The following WDR25 variants were observed in gnomAD, a reference collection of about 807,000 sequenced individuals.
WDR25 encodes WD repeat-containing protein 25.
Under a neutral mutation model 47.7 loss-of-function variants are expected in WDR25, and 35 were observed. The observed-to-expected ratio is 0.73, with a 90% CI of 0.56 to 0.97. WDR25 has a LOEUF of 0.97. Among genes scored for constraint, WDR25 ranks in the 50% least tolerant of loss-of-function variants. The pLI is 0.00. For synonymous variants in WDR25, 248 were observed against 278.9 expected (o/e 0.89, Z 1.10); for missense variants, 634 against 704.7 (o/e 0.90, Z 1.14).
intron 2 of WDR25, among the ~76,000 whole-genome samples, chr14:100,459,277 G>T (rs1366050156): frequency 6.6e-6 from 1 of 152,146 alleles, no homozygotes; most frequent in Non-Finnish European, 1.5e-5. Flanking sequence ...CAACTTAGAT[G>T]ATATGGAAGA....
intron 2 of WDR25, among the ~76,000 whole-genome samples, chr14:100,391,568 G>A (rs1897146606): frequency 6.6e-6 from 1 of 151,900 alleles, no homozygotes; most frequent in East Asian, 1.9e-4. Context: ...AGAACAGAAA[G>A]GTATAAAGAA....
chr14:100,481,304 T>C (rs8019212), intron 3 of WDR25: 529,062 of 909,630 alleles, frequency 0.58, 158,008 homozygotes, highest in Admixed American at 0.77. Context: ...TTATCAGTGG[T>C]CCCTGTCTCC....
intron 2 of WDR25, among the ~76,000 whole-genome samples, chr14:100,426,377 G>A (rs1279325414): frequency 6.6e-6 from 1 of 152,240 alleles, no homozygotes; most frequent in Non-Finnish European, 1.5e-5. Flanking sequence ...CCAAAGAACT[G>A]TGGGCATCTG....
chr14:100,492,106 G>A (rs1282550410), intron 4 of WDR25, among the ~76,000 whole-genome samples: 1 of 152,214 alleles, frequency 6.6e-6, no homozygotes, highest in Non-Finnish European at 1.5e-5. Flanking sequence ...AGGGCATGGG[G>A]CAACAAAATC....
At chr14:100,521,633 C>G (rs1205317357) in intron 4 of WDR25, among the ~76,000 whole-genome samples, 1 of 152,102 alleles carries the variant, frequency 6.6e-6, no homozygotes, top group Non-Finnish European at 1.5e-5. Context: ...TATTAATGTA[C>G]TAGAGTTTAT....
chr14:100,426,588 A>C (rs1898176063), intron 2 of WDR25, among the ~76,000 whole-genome samples: 1 of 152,202 alleles, frequency 6.6e-6, no homozygotes, highest in African/African-American at 2.4e-5. Context: ...GGCGGATTAG[A>C]GCCGAGTTCT....
chr14:100,495,881 G>T (rs1445160141), intron 4 of WDR25, among the ~76,000 whole-genome samples: 4 of 152,298 alleles, frequency 2.6e-5, no homozygotes, highest in African/African-American at 9.6e-5. Flanking sequence ...GGTGATGGAC[G>T]TTTGCATTGT....
chr14:100,416,171 A>T (rs1318027905), intron 2 of WDR25, among the ~76,000 whole-genome samples: 1 of 152,138 alleles, frequency 6.6e-6, no homozygotes, highest in African/African-American at 2.4e-5. Flanking sequence ...TATCAAATTC[A>T]TCTCATTCCT....
intron 2 of WDR25, among the ~76,000 whole-genome samples, chr14:100,456,429 A>G (rs1899206101): frequency 6.6e-6 from 1 of 152,238 alleles, no homozygotes; most frequent in African/African-American, 2.4e-5. Flanking sequence ...CAATAGATAC[A>G]GATCCAGAAA....
intron 4 of WDR25, among the ~76,000 whole-genome samples, chr14:100,515,114 C>G (rs1367617440): frequency 2.5e-4 from 38 of 152,098 alleles, no homozygotes; most frequent in Admixed American, 2.5e-3. Context: ...CATCTTTTCT[C>G]TGTCTGCTTT....
At chr14:100,489,833 AC>A (rs1468680315) in intron 4 of WDR25, among the ~76,000 whole-genome samples, 1 of 152,136 alleles carries the variant, frequency 6.6e-6, no homozygotes, top group Admixed American at 6.5e-5. Context: ...AGAAGGCTGC[AC>A]CTCTAAAACC....
In WDR25 at chr14:100,430,756, G is replaced by A. The variant is rs1006734856; in HGVS notation, c.823-37265G>A. On this transcript the variant is annotated intron_variant, in intron 2 of 6. Transcript: ENST00000402312. This position sits in a 1 kb window ranked among gnomAD's most constrained non-coding sequence, Gnocchi z 4.7. ...ATGCAGGAAGCCCATGCTGACGTGC[G>A]GAGTGGGCCTGCACAGATGAGGCTT... 4.6e-5 allele frequency among the ~76,000 whole-genome samples: 7 copies of A among 152,150 alleles called. No homozygotes were observed. The highest frequency in any genetic ancestry group is 9.7e-5 in the African/African-American group (4 of 41,426).
At chr14:100,524,985 G>A (rs888181232) in intron 4 of WDR25, among the ~76,000 whole-genome samples, 2 of 152,344 alleles carry the variant, frequency 1.3e-5, no homozygotes, top group East Asian at 1.9e-4. Flanking sequence ...TTGAGCTGGC[G>A]GGGCCCAGGG....
chr14:100,520,075 T>C (rs1277893261), intron 4 of WDR25, among the ~76,000 whole-genome samples: 3 of 114,094 alleles, frequency 2.6e-5, no homozygotes, highest in Admixed American at 1.9e-4. Flanking sequence ...TGTGTGTGTG[T>C]GTGCATATAT....
chr14:100,483,746 C>T (rs546797036), intron 3 of WDR25, among the ~76,000 whole-genome samples: 1 of 152,114 alleles, frequency 6.6e-6, no homozygotes, highest in African/African-American at 2.4e-5. Context: ...ATCAATCCAC[C>T]CATCTAAGCT....
At chr14:100,507,651 GTT>G (rs763908066) in intron 4 of WDR25, among the ~76,000 whole-genome samples, 6 of 130,750 alleles carry the variant, frequency 4.6e-5, no homozygotes, top group Non-Finnish European at 8.4e-5. Context: ...AGGTATTTGT[GTT>G]TTTTTTTTTT....
chr14:100,511,410 TG>T (rs1440941158), intron 4 of WDR25, among the ~76,000 whole-genome samples: 1 of 152,236 alleles, frequency 6.6e-6, no homozygotes, highest in African/African-American at 2.4e-5. Flanking sequence ...TTATTAGTTC[TG>T]GTTGTTTCTT....
rs999253097 is a variant in WDR25 at position 100,376,485 on chromosome 14, G to A, written c.-26G>A. The A allele has an allele frequency of 9.2e-5, 113 of 1,231,286 alleles. No individual in the cohort carries two copies. The highest frequency in any genetic ancestry group is 1.0e-4 in the Non-Finnish European group (101 of 987,858). The allele number at this position is 1,231,286 out of a possible 1,614,324, so 76.3% of individuals were successfully genotyped here. A position where few individuals can be genotyped will look rare whatever the true frequency, so the allele number is the denominator to read the frequency against. On this transcript the variant is annotated 5_prime_UTR_variant, in exon 1 of 7. Coordinates refer to ENST00000402312, the MANE Select transcript of WDR25 (RefSeq NM_001161476.3). Reference sequence around the variant, plus strand: ...TGGCCGGTCTGCCTCCGGGAGAACCGAGCGCTTCCGGTGCGTGTGGTGAGC... The same window carrying A: ...TGGCCGGTCTGCCTCCGGGAGAACCAAGCGCTTCCGGTGCGTGTGGTGAGC...
intron 4 of WDR25, among the ~76,000 whole-genome samples, chr14:100,509,905 G>T (rs1044539367): frequency 4.0e-5 from 6 of 151,832 alleles, no homozygotes; most frequent in Non-Finnish European, 7.4e-5. Context: ...AAATCAATTG[G>T]CTAAATAGAT....
Sources: gnomAD v4.1 joint callset for allele counts (sites outside exome capture counted in the v4.1 genomes callset) on GRCh38, gnomAD v4.1.1 for gene constraint, Gnocchi (gnomAD v3.1) non-coding constraint, MANE v1.5 for transcripts, NCBI Gene and HGNC (gene_info 2026-07-23, HGNC 2026-07-21) for gene names.